The following SMURF2 variants were observed in gnomAD, a reference collection of about 807,000 sequenced individuals.
SMURF2 encodes E3 ubiquitin-protein ligase SMURF2.
In SMURF2, 48 loss-of-function variants were observed where a neutral mutation model predicts 109.6. The observed-to-expected ratio is 0.44, with a 90% CI of 0.35 to 0.56. SMURF2 has a LOEUF of 0.56. Ranked by LOEUF, SMURF2 falls within the 20% of genes least tolerant of loss-of-function variation. The pLI is 0.01. For synonymous variants in SMURF2, 288 were observed against 317.1 expected (o/e 0.91, Z 0.97); for missense variants, 575 against 909.0 (o/e 0.63, Z 4.72).
intron 16 of SMURF2, among the ~76,000 whole-genome samples, chr17:64,549,262 C>CAAAAAAAA (rs577973821): frequency 2.4e-5 from 1 of 41,568 alleles, no homozygotes; most frequent in Non-Finnish European, 4.6e-5. Flanking sequence ...ACTGTGTCTC[C>CAAAAAAAA]AAAAAAAAAA....
chr17:64,615,530 T>C (rs1970108888), intron 1 of SMURF2, among the ~76,000 whole-genome samples: 1 of 152,204 alleles, frequency 6.6e-6, no homozygotes, highest in Non-Finnish European at 1.5e-5. Flanking sequence ...ATTTACATCT[T>C]TCTGCTCTGA....
chr17:64,553,132 T>C (rs1969069620), intron 15 of SMURF2, among the ~76,000 whole-genome samples: 1 of 152,112 alleles, frequency 6.6e-6, no homozygotes, highest in African/African-American at 2.4e-5. Context: ...CTCCTTCCTA[T>C]TTCCAGTCGC....
In SMURF2 at chr17:64,554,963, A is replaced by T; in HGVS notation, c.1641T>A (p.His547Gln). 1.2e-6 allele frequency: 2 copies of T among 1,613,786 alleles called. No homozygotes were observed. The highest frequency in any genetic ancestry group is 8.5e-7 in the Non-Finnish European group (1 of 1,179,804). ...ATGCATTATGTTCAACACAGAAGGT[A>T]TGGTCCAAAACACCTGTAATATCAT... ...LENDITGVLDHTFCVEHNAYG... is the reference protein window; with the variant it reads ...LENDITGVLDQTFCVEHNAYG... The change falls in exon 15 of 19, where the codon CAT becomes CAA. Residue 547 changes from histidine (H) to glutamine (Q), a missense_variant. Transcript: ENST00000262435.
At chr17:64,619,334 C>T (rs140813528) in intron 1 of SMURF2, among the ~76,000 whole-genome samples, 7,589 of 151,508 alleles carry the variant, frequency 0.05, 313 homozygotes, top group Admixed American at 0.14. Flanking sequence ...AAAAATTTGC[C>T]AGGCATGGTG....
intron 1 of SMURF2, among the ~76,000 whole-genome samples, chr17:64,639,139 A>G (rs1970460435): frequency 6.6e-6 from 1 of 152,240 alleles, no homozygotes; most frequent in Admixed American, 6.5e-5. Context: ...ATGTGTGTTC[A>G]GTTTGTGAAA....
chr17:64,646,120 GCA>G (rs1555692953), intron 1 of SMURF2, among the ~76,000 whole-genome samples: 1 of 151,050 alleles, frequency 6.6e-6, no homozygotes, highest in East Asian at 1.9e-4. Flanking sequence ...AGGCTGGAGT[GCA>G]GTGGTGCCAT....
At chr17:64,591,422 T>C (rs1489028801) in intron 4 of SMURF2, among the ~76,000 whole-genome samples, 1 of 152,222 alleles carries the variant, frequency 6.6e-6, no homozygotes, top group Non-Finnish European at 1.5e-5. Flanking sequence ...TATGACAATA[T>C]GTGAATCCTC....
At chr17:64,574,740 G>A (rs1555685886) in intron 9 of SMURF2, among the ~76,000 whole-genome samples, 1 of 152,138 alleles carries the variant, frequency 6.6e-6, no homozygotes, top group East Asian at 1.9e-4. Context: ...CTCAACATGA[G>A]ATATTCTTAA....
chr17:64,561,945 A>G (rs1315651512), intron 11 of SMURF2, among the ~76,000 whole-genome samples: 2 of 151,984 alleles, frequency 1.3e-5, no homozygotes, highest in African/African-American at 4.8e-5. Context: ...GGCTACAGTG[A>G]GCTATGATCA....
rs537639020 is a variant in SMURF2, at chr17:64,542,481, A to G, written c.*3367T>C. 6.6e-6 allele frequency: 1 copy of G among 152,344 alleles called. No homozygotes were observed. The highest frequency in any genetic ancestry group is 1.9e-4 in the East Asian group (1 of 5,192). 9.4% of individuals were successfully genotyped at this position (152,344 alleles called of 1,614,324 possible). ...AATAAATACAAATACAATGAAAATG[A>G]TAAAACTTTGTTTTTAAAGTCAGTC... On this transcript the variant is annotated 3_prime_UTR_variant, in exon 19 of 19. Coordinates refer to ENST00000262435, the MANE Select transcript of SMURF2 (RefSeq NM_022739.4).
Position 64,547,427 on chromosome 17 carries a change from G to A in SMURF2, c.2071+173C>T, listed in dbSNP as rs1020382846. Among the ~76,000 whole-genome samples, 18 of 152,172 alleles carry A rather than the reference G, an allele frequency of 1.2e-4. No homozygotes were observed. The highest frequency in any genetic ancestry group is 2.2e-4 in the Non-Finnish European group (15 of 68,034). Reference sequence around the variant, plus strand: ...AGAGAAGCCCGCAGAAAAGGCTCTTGGGAAGGGAACAAAAGAAAGGAGGGA... The same window carrying A: ...AGAGAAGCCCGCAGAAAAGGCTCTTAGGAAGGGAACAAAAGAAAGGAGGGA... On this transcript the variant is annotated intron_variant, in intron 17 of 18. Coordinates refer to ENST00000262435, the MANE Select transcript of SMURF2 (RefSeq NM_022739.4). This position sits in a 1 kb window ranked among gnomAD's most constrained non-coding sequence, Gnocchi z 4.2.
chr17:64,574,421 A>G (rs542774329), intron 9 of SMURF2, among the ~76,000 whole-genome samples: 59 of 152,370 alleles, frequency 3.9e-4, no homozygotes, highest in Admixed American at 1.0e-3. Flanking sequence ...TGTTTTAAAG[A>G]GAAATGCAAA....
chr17:64,629,686 C>T (rs1223053697), intron 1 of SMURF2, among the ~76,000 whole-genome samples: 1 of 152,202 alleles, frequency 6.6e-6, no homozygotes, highest in African/African-American at 2.4e-5. Context: ...TTTCAGCCTC[C>T]TTTAATGGAT....
chr17:64,645,583 A>G (rs974821324), intron 1 of SMURF2, among the ~76,000 whole-genome samples: 2 of 152,236 alleles, frequency 1.3e-5, no homozygotes, highest in African/African-American at 4.8e-5. Context: ...ATTAAGAAAA[A>G]TAGAAAAGTG....
intron 1 of SMURF2, among the ~76,000 whole-genome samples, chr17:64,640,725 C>A (rs1290918812): frequency 6.6e-6 from 1 of 152,030 alleles, no homozygotes. Context: ...CCAAGACCAT[C>A]CTGGCCAACA....
At chr17:64,570,249 T>G (rs1440234924) in intron 10 of SMURF2, among the ~76,000 whole-genome samples, 1 of 152,218 alleles carries the variant, frequency 6.6e-6, no homozygotes, top group Non-Finnish European at 1.5e-5. Context: ...TTTGTTGTGT[T>G]TTTAACATTT....
At chr17:64,637,264 T>A (rs1409142482) in intron 1 of SMURF2, among the ~76,000 whole-genome samples, 2 of 151,254 alleles carry the variant, frequency 1.3e-5, no homozygotes, top group African/African-American at 4.9e-5. Context: ...GTAAGTGAGA[T>A]TACAGGTGCC....
At chr17:64,594,733 T>C (rs1202524541) in intron 3 of SMURF2, among the ~76,000 whole-genome samples, 1 of 152,176 alleles carries the variant, frequency 6.6e-6, no homozygotes, top group Non-Finnish European at 1.5e-5. Flanking sequence ...ACGCCTGTAA[T>C]TCTAGCACTT....
intron 1 of SMURF2, among the ~76,000 whole-genome samples, chr17:64,660,296 G>T (rs925764397): frequency 7.9e-5 from 12 of 152,092 alleles, no homozygotes; most frequent in Admixed American, 5.2e-4. Context: ...CACGATCACT[G>T]ACTACAGACA....
Sources: gnomAD v4.1 joint callset for allele counts (sites outside exome capture counted in the v4.1 genomes callset) on GRCh38, gnomAD v4.1.1 for gene constraint, Gnocchi (gnomAD v3.1) non-coding constraint, MANE v1.5 for transcripts, NCBI Gene and HGNC (gene_info 2026-07-23, HGNC 2026-07-21) for gene names.